The following EHBP1 variants were observed in gnomAD, a reference collection of about 807,000 sequenced individuals.
EHBP1 encodes the protein EH domain binding protein 1, also known as EH domain-binding protein 1.
Under a neutral mutation model 144.0 loss-of-function variants are expected in EHBP1, and 55 were observed. The ratio of observed to expected loss-of-function variants is 0.38; its 90% CI spans 0.31 to 0.48. The LOEUF is 0.48. Ranked by LOEUF, EHBP1 falls within the 20% of genes least tolerant of loss-of-function variation. EHBP1 has a pLI of 0.98. For missense variants in EHBP1, 1,200 were observed against 1,364.2 expected (o/e 0.88, Z 1.90); for synonymous variants, 469 against 472.7 (o/e 0.99, Z 0.10).
intron 10 of EHBP1, among the ~76,000 whole-genome samples, chr2:62,929,829 C>CAA (rs527295491): frequency 1.4e-5 from 2 of 141,864 alleles, no homozygotes; most frequent in Admixed American, 7.1e-5. Context: ...AAAGATTCTA[C>CAA]AAAAAAAAAA....
intron 9 of EHBP1, among the ~76,000 whole-genome samples, chr2:62,869,106 A>G (rs1339381115): frequency 6.6e-6 from 1 of 152,226 alleles, no homozygotes; most frequent in Non-Finnish European, 1.5e-5. Context: ...AGATATCACT[A>G]CACACCTACC....
At chr2:62,986,443 CTT>C (rs397869234) in intron 15 of EHBP1, among the ~76,000 whole-genome samples, 15 of 135,626 alleles carry the variant, frequency 1.1e-4, no homozygotes, top group Non-Finnish European at 1.4e-4. Context: ...TTCTTTTTTC[CTT>C]TTTTTTTTTT....
At chr2:63,029,080 T>G (rs1281341596) in intron 19 of EHBP1, among the ~76,000 whole-genome samples, 1 of 152,222 alleles carries the variant, frequency 6.6e-6, no homozygotes, top group Non-Finnish European at 1.5e-5. Flanking sequence ...TTTTTATTTT[T>G]TGATATTAAG....
rs2302567 is a variant in EHBP1 at position 62,943,786 on chromosome 2, C to G, written c.1365-16C>G. 0.12 allele frequency: 184,755 copies of G among 1,564,754 alleles called. 12,462 individuals carry two copies. Among genetic ancestry groups the G allele is most frequent in the Admixed American group, 0.22 (12,276 of 56,446 alleles). On this transcript the variant is annotated splice_polypyrimidine_tract_variant and intron_variant, in intron 11 of 22. Transcript: ENST00000431489. The stretch of plus-strand genomic sequence containing the variant: ...TCAAATACTATATGTACCCACTGTG[C>G]TATTTTCTCCCTCAGTGACTACAAG...
chr2:62,812,600 A>G (rs1408590430), intron 5 of EHBP1, among the ~76,000 whole-genome samples: 1 of 152,136 alleles, frequency 6.6e-6, no homozygotes, highest in East Asian at 1.9e-4. Context: ...GGAAATGAGG[A>G]AGAAGGTATT....
chr2:62,950,082 A>G (rs2057295583), intron 13 of EHBP1, among the ~76,000 whole-genome samples: 1 of 152,152 alleles, frequency 6.6e-6, no homozygotes, highest in South Asian at 2.1e-4. Context: ...TTTCACATTT[A>G]GAATCCAGCT....
At chr2:62,753,647 C>A (rs527266387) in intron 3 of EHBP1, among the ~76,000 whole-genome samples, 1 of 152,242 alleles carries the variant, frequency 6.6e-6, no homozygotes, top group Admixed American at 6.5e-5. Context: ...ACCAATCAGA[C>A]GTAGATTTGG....
chr2:62,701,062 C>T (rs963958451), upstream of EHBP1, among the ~76,000 whole-genome samples: 1 of 152,210 alleles, frequency 6.6e-6, no homozygotes, highest in Non-Finnish European at 1.5e-5. Flanking sequence ...CCACTAGCAT[C>T]CAGCTCTCAT....
intron 3 of EHBP1, among the ~76,000 whole-genome samples, chr2:62,761,712 T>C (rs759811463): frequency 2.1e-4 from 32 of 152,200 alleles, no homozygotes; most frequent in Non-Finnish European, 3.8e-4. Flanking sequence ...ATCTGTCTTA[T>C]TGTATACTGT....
intron 15 of EHBP1, chr2:62,987,885 TA>T: frequency 9.3e-7 from 1 of 1,070,210 alleles, no homozygotes. Flanking sequence ...ATGAATGATA[TA>T]AAATATAAAT....
intron 10 of EHBP1, among the ~76,000 whole-genome samples, chr2:62,881,240 G>A (rs1210373535): frequency 6.6e-6 from 1 of 152,084 alleles, no homozygotes; most frequent in Admixed American, 6.5e-5. Flanking sequence ...GGGCCTACTT[G>A]TGGGTGGAGG....
In EHBP1 at chr2:63,038,832, G is replaced by A; in HGVS notation, c.3277+16G>A. ...GCCATTGAAGGTAAGAAATGCTATGGTGGGGTGAGGTATGTGACGTGTCAG... is the reference window on the plus strand; with the variant it reads ...GCCATTGAAGGTAAGAAATGCTATGATGGGGTGAGGTATGTGACGTGTCAG... On this transcript the variant is annotated intron_variant, in intron 21 of 22. Transcript: ENST00000431489. The A allele has an allele frequency of 1.2e-6, 2 of 1,606,234 alleles. No individual in the cohort carries two copies. Among genetic ancestry groups the A allele is most frequent in the Non-Finnish European group, 1.7e-6 (2 of 1,173,042 alleles).
chr2:63,038,821 G>GA lies in EHBP1; in HGVS notation c.3277+8dup. On this transcript the variant is annotated splice_donor_region_variant and intron_variant, in intron 21 of 22. Transcript: ENST00000431489. ...GGGCAATGCTAGCCATTGAAGGTAA[G>GA]AAATGCTATGGTGGGGTGAGGTATG... 1.2e-6 allele frequency: 2 copies of GA among 1,612,148 alleles called. No individual in the cohort carries two copies. The highest frequency in any genetic ancestry group is 1.7e-6 in the Non-Finnish European group (2 of 1,178,372).
Position 62,948,257 on chromosome 2 carries a change from A to C in EHBP1, c.1414-3A>C. 3.9e-6 allele frequency: 6 copies of C among 1,540,436 alleles called. No homozygotes were observed. The highest frequency in any genetic ancestry group is 4.4e-6 in the Non-Finnish European group (5 of 1,145,622). On this transcript the variant is annotated splice_region_variant and splice_polypyrimidine_tract_variant and intron_variant, in intron 12 of 22. Coordinates refer to ENST00000431489, the MANE Select transcript of EHBP1 (RefSeq NM_001142616.3). ...ATATCTTTTGTTTTTCCTTCCTTTG[A>C]AGGCATACGATGGATTTGCCAGCAT...
At chr2:62,692,703 T>C (rs2033947043) in intron 1 of EHBP1, among the ~76,000 whole-genome samples, 1 of 152,078 alleles carries the variant, frequency 6.6e-6, no homozygotes, top group Middle Eastern at 3.2e-3. Flanking sequence ...TCAATTTAAA[T>C]TCTTGGCCAA....
At chr2:62,874,847 C>T (rs1270840576) in intron 10 of EHBP1, among the ~76,000 whole-genome samples, 2 of 152,152 alleles carry the variant, frequency 1.3e-5, no homozygotes, top group Non-Finnish European at 2.9e-5. Context: ...CTTCAGCAGA[C>T]AGGCCCCTGC....
chr2:62,836,177 C>T (rs2047231275), intron 7 of EHBP1, among the ~76,000 whole-genome samples: 1 of 152,246 alleles, frequency 6.6e-6, no homozygotes. Context: ...CAAATGGGTC[C>T]CTGACCCCTG....
chr2:62,754,009 CGTCCAG>C (rs2040015673), intron 3 of EHBP1, among the ~76,000 whole-genome samples: 1 of 152,182 alleles, frequency 6.6e-6, no homozygotes, highest in Non-Finnish European at 1.5e-5. Context: ...TGTCATGATC[CGTCCAG>C]GTTTGTTTCG....
chr2:62,683,311 T>C (rs149634567), intron 1 of EHBP1, among the ~76,000 whole-genome samples: 1 of 152,292 alleles, frequency 6.6e-6, no homozygotes, highest in African/African-American at 2.4e-5. Flanking sequence ...AAGTTGAATT[T>C]CATTGTCTTG....
Sources: allele counts gnomAD v4.1 joint callset (sites outside exome capture counted in the v4.1 genomes callset), GRCh38; gene constraint gnomAD v4.1.1; transcripts MANE v1.5; gene names NCBI Gene and HGNC (gene_info 2026-07-23, HGNC 2026-07-21).